ATOSA: variants seen among roughly 807,000 people sequenced by gnomAD.
ATOSA encodes atos homolog A.
the ATOSA span, among the ~76,000 whole-genome samples, chr15:52,620,613 G>A: frequency 6.6e-6 from 1 of 152,206 alleles, no homozygotes; most frequent in Non-Finnish European, 1.5e-5. Context: ...TGGAAGAGGC[G>A]TGGGAACAAC....
At chr15:52,641,173 G>A in the ATOSA span, among the ~76,000 whole-genome samples, 28 of 152,284 alleles carry the variant, frequency 1.8e-4, no homozygotes, top group South Asian at 4.3e-3. Flanking sequence ...CGGTTTGTAC[G>A]TTAATCAAAG....
chr15:52,616,843 A>G, the ATOSA span, among the ~76,000 whole-genome samples: 1 of 152,192 alleles, frequency 6.6e-6, no homozygotes, highest in Non-Finnish European at 1.5e-5. Context: ...GACTTTGTAG[A>G]CATAGAAAGC....
At chr15:52,680,386 T>C in the ATOSA span, among the ~76,000 whole-genome samples, 1 of 152,220 alleles carries the variant, frequency 6.6e-6, no homozygotes, top group Non-Finnish European at 1.5e-5. Flanking sequence ...TTTTTAGATA[T>C]AATTTTGCAT....
the ATOSA span, among the ~76,000 whole-genome samples, chr15:52,628,690 G>A: frequency 6.6e-6 from 1 of 152,042 alleles, no homozygotes; most frequent in Non-Finnish European, 1.5e-5. Flanking sequence ...ATGATATTAT[G>A]AATAGATTAA....
chr15:52,582,362 C>T, the ATOSA span: 2 of 1,418,476 alleles, frequency 1.4e-6, no homozygotes, highest in African/African-American at 1.5e-5. Context: ...TTAAAAGAAA[C>T]TAGAATAATT....
chr15:52,678,005 C>G, the ATOSA span: 1 of 1,614,012 alleles, frequency 6.2e-7, no homozygotes, highest in Non-Finnish European at 8.5e-7. Context: ...AAATCATTTA[C>G]CTCGGTCTGG....
chr15:52,643,453 G>T, the ATOSA span, among the ~76,000 whole-genome samples: 2 of 139,690 alleles, frequency 1.4e-5, no homozygotes, highest in African/African-American at 2.6e-5. Context: ...CACCTCACCT[G>T]GCTTTTTTTT....
At chr15:52,625,421 G>T in the ATOSA span, among the ~76,000 whole-genome samples, 158 of 152,160 alleles carry the variant, frequency 1.0e-3, no homozygotes, top group African/African-American at 3.6e-3. Flanking sequence ...CTACAGAACA[G>T]TATTTTCTAA....
At chr15:52,693,445 T>C in the ATOSA span, among the ~76,000 whole-genome samples, 1 of 152,088 alleles carries the variant, frequency 6.6e-6, no homozygotes, top group Non-Finnish European at 1.5e-5. Context: ...GAGAATATAG[T>C]TAAGTTAGCA....
the ATOSA span, chr15:52,649,647 C>A: frequency 6.6e-6 from 1 of 151,764 alleles, no homozygotes; most frequent in Non-Finnish European, 1.5e-5. Flanking sequence ...TCCATAAGCA[C>A]AAAACAATAG....
the ATOSA span, among the ~76,000 whole-genome samples, chr15:52,666,370 A>G: frequency 6.6e-6 from 1 of 152,178 alleles, no homozygotes; most frequent in South Asian, 2.1e-4. Context: ...ATTCATCTGT[A>G]TGTTTCCAGA....
chr15:52,594,861 GCCT>G, the ATOSA span, among the ~76,000 whole-genome samples: 1 of 152,010 alleles, frequency 6.6e-6, no homozygotes, highest in East Asian at 1.9e-4. Flanking sequence ...TTTGAAAAAA[GCCT>G]TATAGTATCA....
the ATOSA span, among the ~76,000 whole-genome samples, chr15:52,674,777 T>C: frequency 1.3e-5 from 2 of 151,968 alleles, no homozygotes; most frequent in African/African-American, 2.4e-5. Flanking sequence ...GTATATCTTG[T>C]AATTGACCAA....
chr15:52,672,036 T>TTA, the ATOSA span, among the ~76,000 whole-genome samples: 2 of 151,718 alleles, frequency 1.3e-5, no homozygotes, highest in East Asian at 3.9e-4. Context: ...CCATCCTGTT[T>TTA]TACTTTAATA....
At chr15:52,700,033 T>G in the ATOSA span, among the ~76,000 whole-genome samples, 1 of 152,222 alleles carries the variant, frequency 6.6e-6, no homozygotes, top group Non-Finnish European at 1.5e-5. Context: ...ATTTTCAATG[T>G]ATAAATTTTT....
the ATOSA span, chr15:52,677,990 TAAAC>T: frequency 3.7e-6 from 6 of 1,613,896 alleles, no homozygotes; most frequent in East Asian, 4.5e-5. Flanking sequence ...AAGCCCTACT[TAAAC>T]AAATCATTTA....
chr15:52,651,893 C>T, the ATOSA span: 7 of 1,535,394 alleles, frequency 4.6e-6, no homozygotes, highest in East Asian at 1.7e-4. Flanking sequence ...CCCTTTGTTT[C>T]CACTGAAAAC....
At chr15:52,613,831 C>T in the ATOSA span, 1 of 1,613,770 alleles carries the variant, frequency 6.2e-7, no homozygotes, top group East Asian at 2.2e-5. Context: ...TCCTCTGCAT[C>T]ATATTCAAAA....
At chr15:52,694,935 GT>G in the ATOSA span, among the ~76,000 whole-genome samples, 2 of 89,318 alleles carry the variant, frequency 2.2e-5, no homozygotes, top group African/African-American at 4.3e-5. Context: ...TTTTTGTTTT[GT>G]TTTTTTGAGA....
Sources: gnomAD v4.1 joint callset for allele counts (sites outside exome capture counted in the v4.1 genomes callset) on GRCh38, gnomAD v4.1.1 for gene constraint, MANE v1.5 for transcripts, NCBI Gene and HGNC (gene_info 2026-07-23, HGNC 2026-07-21) for gene names.